SH3KBP1: variants seen among roughly 807,000 people sequenced by gnomAD.
SH3KBP1 encodes the protein SH3 domain-containing kinase-binding protein 1.
SH3KBP1 carries 8 observed loss-of-function variants against 50.1 expected under a neutral mutation model. The ratio of observed to expected loss-of-function variants is 0.16; its 90% CI spans 0.09 to 0.29. The LOEUF (loss-of-function observed/expected upper bound fraction) is 0.29. Among genes scored for constraint, SH3KBP1 ranks in the 10% least tolerant of loss-of-function variants. The pLI, the probability that SH3KBP1 is intolerant of heterozygous loss-of-function variation, is 1.00. For synonymous variants in SH3KBP1, 227 were observed against 218.6 expected, an observed-to-expected ratio of 1.04 and a Z score of -0.34; for missense variants, 377 against 535.2, an observed-to-expected ratio of 0.70 and a Z score of 2.92.
chrX:19,874,068 A>ATAT (rs1556423469), intron 1 of SH3KBP1, among the ~76,000 whole-genome samples: 6 of 57,021 alleles, frequency 1.1e-4, no homozygotes, highest in Admixed American at 6.3e-4. Context: ...AAAAAAAAAA[A>ATAT]ATATATATAT....
At chrX:19,760,834 G>A (rs2082558629) in intron 2 of SH3KBP1, among the ~76,000 whole-genome samples, 1 of 110,617 alleles carries the variant, frequency 9.0e-6, no homozygotes, top group African/African-American at 3.3e-5. Flanking sequence ...AACAGACATG[G>A]GCCAGGGGCT....
chrX:19,687,734 GA>G lies in SH3KBP1; in HGVS notation c.521-3707del, dbSNP rs778090270. On this transcript the variant is annotated intron_variant, in intron 5 of 17. Coordinates refer to ENST00000397821, the MANE Select transcript of SH3KBP1 (RefSeq NM_031892.3). The stretch of plus-strand genomic sequence containing the variant: ...AAGAGAAGGGGAGAGAAAAACAAGA[GA>G]GGGGGGAGGAGGGAGCAAATGATGG... 10 of 974,479 alleles carry G rather than the reference GA, an allele frequency of 1.0e-5. No individual in the cohort carries two copies. The African/African-American group carries it at 1.1e-4, about 11-fold the overall frequency. 80.3% of individuals were successfully genotyped at this position (974,479 alleles called of 1,213,427 possible).
intron 8 of SH3KBP1, among the ~76,000 whole-genome samples, chrX:19,608,820 C>T (rs760973936): frequency 8.0e-5 from 9 of 112,269 alleles, no homozygotes; most frequent in African/African-American, 2.9e-4. Flanking sequence ...CTCATTAATG[C>T]ACTGCTCTCC....
At position 19,705,424 on chromosome X, in the gene SH3KBP1, A is replaced by G. The variant is rs185738067; in HGVS notation, c.390+1457T>C. Among the ~76,000 whole-genome samples, 4 of 112,079 alleles carry G rather than the reference A, an allele frequency of 3.6e-5. No individual in the cohort carries two copies. In the East Asian group the frequency reaches 1.1e-3, roughly 31 times the overall value. ...TCTTCTGGAATTTCTTTCCATGGTT[A>G]CAGCCTTAAGAAATTTGTCATTCTA... On this transcript the variant is annotated intron_variant, in intron 4 of 17. Coordinates refer to ENST00000397821, the MANE Select transcript of SH3KBP1 (RefSeq NM_031892.3).
intron 13 of SH3KBP1, among the ~76,000 whole-genome samples, chrX:19,560,002 A>G (rs2065620022): frequency 9.0e-6 from 1 of 111,367 alleles, no homozygotes; most frequent in Non-Finnish European, 1.9e-5. Flanking sequence ...AGGTATGCTC[A>G]TGAGCCAGGT....
intron 3 of SH3KBP1, among the ~76,000 whole-genome samples, chrX:19,727,467 C>T (rs1454132136): frequency 1.8e-5 from 2 of 112,359 alleles, no homozygotes; most frequent in Non-Finnish European, 3.8e-5. Flanking sequence ...CCTCAAAGTT[C>T]ATCCATGTTA....
Position 19,607,985 on chromosome X carries a change from C to T in SH3KBP1, c.958G>A (p.Asp320Asn), listed in dbSNP as rs1452915357. 3.3e-6 allele frequency: 4 copies of T among 1,211,202 alleles called. No individual in the cohort carries two copies. Among genetic ancestry groups the T allele is most frequent in the Non-Finnish European group, 3.4e-6 (3 of 895,137 alleles). The change falls in exon 9 of 18, where the codon GAT (aspartate) becomes AAT (asparagine). Residue 320 changes from aspartate (D) to asparagine (N), a missense_variant. Physicochemically the swap from Asp to Asn is conservative, Grantham distance 23. This residue lies in a region of SH3KBP1 where 257 missense variants were observed against 374.2 expected (regional missense o/e 0.69). Transcript: ENST00000397821. ...ELNGRRGVFP[D>N]NFVKLLPPDF... The stretch of plus-strand genomic sequence containing the variant: ...GGTGGAAGTAACTTCACGAAGTTAT[C>T]GGGGAACACGCCTCGTCTGCCGTTC...
intron 1 of SH3KBP1, among the ~76,000 whole-genome samples, chrX:19,848,701 G>A (rs776879952): frequency 8.9e-6 from 1 of 111,922 alleles, no homozygotes; most frequent in East Asian, 2.8e-4. Context: ...GAGAGAATTG[G>A]ACAATCAACG....
At chrX:19,863,728 C>T (rs1359244813) in intron 1 of SH3KBP1, among the ~76,000 whole-genome samples, 2 of 111,291 alleles carry the variant, frequency 1.8e-5, no homozygotes, top group African/African-American at 3.3e-5. Context: ...CAACCTCCCT[C>T]GGGACACCAA....
At chrX:19,708,615 A>G (rs1432460340) in intron 3 of SH3KBP1, among the ~76,000 whole-genome samples, 1 of 111,553 alleles carries the variant, frequency 9.0e-6, no homozygotes, top group East Asian at 2.8e-4. Context: ...AAGGCAAATC[A>G]AGTACCCTGT....
chrX:19,840,905 C>T (rs2068199101), intron 1 of SH3KBP1, among the ~76,000 whole-genome samples: 2 of 112,092 alleles, frequency 1.8e-5, no homozygotes, highest in African/African-American at 6.5e-5. Flanking sequence ...AAAGGCCAGC[C>T]TCCACAAGTT....
At chrX:19,854,495 C>T (rs910646743) in intron 1 of SH3KBP1, among the ~76,000 whole-genome samples, 2 of 111,807 alleles carry the variant, frequency 1.8e-5, no homozygotes, top group Non-Finnish European at 3.8e-5. Context: ...GAGCGATGTG[C>T]CTACATGTAT....
intron 1 of SH3KBP1, among the ~76,000 whole-genome samples, chrX:19,878,606 C>T (rs2069336202): frequency 9.1e-6 from 1 of 109,724 alleles, no homozygotes; most frequent in South Asian, 3.9e-4. Flanking sequence ...TTCCCTTTTC[C>T]TATCTTCCTT....
chrX:19,670,272 TA>T, intron 6 of SH3KBP1: 2 of 611,536 alleles, frequency 3.3e-6, no homozygotes, highest in Non-Finnish European at 3.9e-6. Context: ...TACCCCATCA[TA>T]AAAAAAGCAG....
At chrX:19,568,986 G>A in intron 13 of SH3KBP1, 117 bp downstream of exon 13, 1 of 611,574 alleles carries the variant, frequency 1.6e-6, no homozygotes, top group Non-Finnish European at 2.7e-6. Context: ...AAGCAAGGGT[G>A]CCAGCCTGGC....
intron 2 of SH3KBP1, among the ~76,000 whole-genome samples, chrX:19,810,027 G>T (rs769099304): frequency 8.9e-6 from 1 of 112,283 alleles, no homozygotes; most frequent in Admixed American, 9.4e-5. Context: ...CAGAAGTGCA[G>T]ATTAATCTTA....
intron 1 of SH3KBP1, among the ~76,000 whole-genome samples, chrX:19,860,441 A>G (rs1256080047): frequency 1.8e-5 from 2 of 111,202 alleles, no homozygotes; most frequent in African/African-American, 6.6e-5. Context: ...AGAAAGTACA[A>G]GTGTGATTAC....
chrX:19,654,774 T>C (rs1179990509), intron 6 of SH3KBP1, among the ~76,000 whole-genome samples: 1 of 111,880 alleles, frequency 8.9e-6, no homozygotes, highest in Non-Finnish European at 1.9e-5. Flanking sequence ...AGATGGTGGG[T>C]AAGGGAGAGA....
chrX:19,744,928 G>C (rs1302205148), intron 3 of SH3KBP1, among the ~76,000 whole-genome samples: 1 of 112,382 alleles, frequency 8.9e-6, no homozygotes, highest in Non-Finnish European at 1.9e-5. Context: ...TTACTGACTT[G>C]ACAAAAACCA....
Sources: gnomAD v4.1 joint callset for allele counts (sites outside exome capture counted in the v4.1 genomes callset) on GRCh38, gnomAD v4.1.1 for gene constraint, gnomAD v4.1.1 regional missense constraint, MANE v1.5 for transcripts, NCBI Gene and HGNC (gene_info 2026-07-23, HGNC 2026-07-21) for gene names.